GALNT13: variants seen among roughly 807,000 people sequenced by gnomAD.
The protein encoded by GALNT13 is polypeptide N-acetylgalactosaminyltransferase 13, also known as UDP-GalNAc:polypeptide N-acetylgalactosaminyltransferase 13.
A neutral mutation model predicts 64.2 loss-of-function variants in GALNT13; 28 were observed. That is an observed-to-expected ratio of 0.44 (90% CI 0.32 to 0.60). The LOEUF (loss-of-function observed/expected upper bound fraction) is 0.60, where lower values mean the gene tolerates loss of function less well. Among genes scored for constraint, GALNT13 ranks in the 20% least tolerant of loss-of-function variants. The pLI, the probability that GALNT13 is intolerant of heterozygous loss-of-function variation, is 0.05. For synonymous variants in GALNT13, 214 were observed against 224.6 expected, an observed-to-expected ratio of 0.95 and a Z score of 0.42; for missense variants, 577 against 669.8, an observed-to-expected ratio of 0.86 and a Z score of 1.53.
At chr2:153,661,526 A>T in the GALNT13 span, among the ~76,000 whole-genome samples, 2 of 152,142 alleles carry the variant, frequency 1.3e-5, no homozygotes, top group African/African-American at 2.4e-5. Flanking sequence ...AAACAATACA[A>T]AGGAACAATT....
chr2:153,356,403 G>A, the GALNT13 span: 1 of 152,162 alleles, frequency 6.6e-6, no homozygotes, highest in Non-Finnish European at 1.5e-5. Flanking sequence ...TGTCAATGTA[G>A]TAAGCCTTGG....
chr2:154,175,341 A>G (rs1231681961), intron 4 of GALNT13, among the ~76,000 whole-genome samples: 4 of 152,324 alleles, frequency 2.6e-5, no homozygotes, highest in Non-Finnish European at 4.4e-5. Context: ...ATAAACATCC[A>G]CATAGATCAC....
At chr2:153,946,416 T>A in intron 3 of GALNT13, among the ~76,000 whole-genome samples, 1 of 152,144 alleles carries the variant, frequency 6.6e-6, no homozygotes, top group East Asian at 1.9e-4. Flanking sequence ...GTTCTCTTTG[T>A]TGATAAGACT....
intron 8 of GALNT13, among the ~76,000 whole-genome samples, chr2:154,267,487 A>G (rs1041254229): frequency 6.6e-6 from 1 of 152,112 alleles, no homozygotes; most frequent in Non-Finnish European, 1.5e-5. Context: ...TAAAAATACA[A>G]AAATTAGCTG....
At chr2:153,874,288 C>T (rs1030644977) in intron 1 of GALNT13, among the ~76,000 whole-genome samples, 1 of 151,974 alleles carries the variant, frequency 6.6e-6, no homozygotes, top group South Asian at 2.1e-4. Context: ...CACATCTCTC[C>T]TTTAGCCCCT....
At chr2:153,927,551 C>T (rs1690234941) in intron 2 of GALNT13, among the ~76,000 whole-genome samples, 1 of 151,924 alleles carries the variant, frequency 6.6e-6, no homozygotes, top group African/African-American at 2.4e-5. Flanking sequence ...GACAAATTAT[C>T]ATCTTTAGCA....
chr2:153,459,219 GACAAATGCCA>G, the GALNT13 span, among the ~76,000 whole-genome samples: 1 of 151,950 alleles, frequency 6.6e-6, no homozygotes, highest in Non-Finnish European at 1.5e-5. Flanking sequence ...TAACATAACA[GACAAATGCCA>G]ACAAAAAAAT....
chr2:153,308,591 T>C, the GALNT13 span, among the ~76,000 whole-genome samples: 2 of 152,176 alleles, frequency 1.3e-5, no homozygotes, highest in Non-Finnish European at 2.9e-5. Flanking sequence ...CTTGAGGTTT[T>C]TGGAAAGGTC....
At chr2:153,187,779 G>C in the GALNT13 span, among the ~76,000 whole-genome samples, 1 of 152,146 alleles carries the variant, frequency 6.6e-6, no homozygotes, top group South Asian at 2.1e-4. Context: ...ACTTGACATG[G>C]ATATTAAAAG....
the GALNT13 span, among the ~76,000 whole-genome samples, chr2:153,093,548 T>A: frequency 6.6e-6 from 1 of 152,112 alleles, no homozygotes; most frequent in African/African-American, 2.4e-5. Flanking sequence ...TGATGAAGGA[T>A]CTTTCTAATG....
At chr2:153,166,628 TGTGTGTG>T in the GALNT13 span, among the ~76,000 whole-genome samples, 3 of 118,848 alleles carry the variant, frequency 2.5e-5, no homozygotes, top group Admixed American at 3.4e-4. Flanking sequence ...TGCATGTGTG[TGTGTGTG>T]TGTGTGTGTG....
At chr2:153,988,071 T>C (rs199953900) in intron 3 of GALNT13, among the ~76,000 whole-genome samples, 43,833 of 143,418 alleles carry the variant, frequency 0.31, 7,324 homozygotes, top group Middle Eastern at 0.45. Context: ...TATATATATA[T>C]ATACACACAC....
At chr2:153,708,742 AC>A in the GALNT13 span, among the ~76,000 whole-genome samples, 130 of 152,314 alleles carry the variant, frequency 8.5e-4, 1 homozygote, top group East Asian at 0.019. Flanking sequence ...TCTACTGTAT[AC>A]TACAAAGCAA....
intron 3 of GALNT13, among the ~76,000 whole-genome samples, chr2:154,040,843 ATATT>A (rs1698933368): frequency 7.1e-6 from 1 of 140,302 alleles, no homozygotes; most frequent in Non-Finnish European, 1.6e-5. Flanking sequence ...TTTCATCAAA[ATATT>A]AATATATTAT....
chr2:154,365,669 G>A (rs1048044210), intron 9 of GALNT13, among the ~76,000 whole-genome samples: 4 of 152,154 alleles, frequency 2.6e-5, no homozygotes, highest in African/African-American at 9.7e-5. Flanking sequence ...TTCTTCACCA[G>A]CTTTATTCAG....
chr2:153,446,601 T>C, the GALNT13 span, among the ~76,000 whole-genome samples: 1 of 152,218 alleles, frequency 6.6e-6, no homozygotes, highest in Non-Finnish European at 1.5e-5. Flanking sequence ...GGTTTATCTT[T>C]CCCACATGGA....
rs1689527516 is a variant in GALNT13, at chr2:154,242,204, C to G, written c.478+8C>G. 1.2e-6 allele frequency: 2 copies of G among 1,603,656 alleles called. No individual in the cohort carries two copies. Among genetic ancestry groups the G allele is most frequent in the Admixed American group, 1.7e-5 (1 of 58,010 alleles). On this transcript the variant is annotated splice_region_variant and intron_variant, in intron 5 of 12. Transcript: ENST00000392825. ...ATGATGCCAGTGAAAGAGGTACAAA[C>G]TGGTTTTTTGTTTTTGTTTTTGTTT... is the stretch of plus-strand genomic sequence containing the variant.
intron 2 of GALNT13, among the ~76,000 whole-genome samples, chr2:153,936,937 T>C (rs747674532): frequency 6.6e-6 from 1 of 152,130 alleles, no homozygotes; most frequent in Non-Finnish European, 1.5e-5. Context: ...CAGGATGGTC[T>C]CAATCTCCTG....
chr2:153,791,678 GC>G, the GALNT13 span, among the ~76,000 whole-genome samples: 1 of 152,206 alleles, frequency 6.6e-6, no homozygotes, highest in South Asian at 2.1e-4. Context: ...CAACCTAAAT[GC>G]CCATCAGTGG....
Sources: allele counts gnomAD v4.1 joint callset (sites outside exome capture counted in the v4.1 genomes callset), GRCh38; gene constraint gnomAD v4.1.1; transcripts MANE v1.5; gene names NCBI Gene and HGNC (gene_info 2026-07-23, HGNC 2026-07-21).